The following ADGRB3 variants were observed in gnomAD, a reference collection of about 807,000 sequenced individuals.
ADGRB3 encodes the protein brain-specific angiogenesis inhibitor 3.
In ADGRB3, 37 loss-of-function variants were observed where a neutral mutation model predicts 193.4. That is an observed-to-expected ratio of 0.19 (90% confidence interval 0.15 to 0.25). The LOEUF (loss-of-function observed/expected upper bound fraction) is 0.25. Among genes scored for constraint, ADGRB3 ranks in the 10% least tolerant of loss-of-function variants. The pLI, the probability that ADGRB3 is intolerant of heterozygous loss-of-function variation, is 1.00. For missense variants in ADGRB3, 1,637 were observed against 1,852.9 expected (o/e 0.88, Z 2.14); for synonymous variants, 690 against 644.2 (o/e 1.07, Z -1.08).
In ADGRB3 at chr6:68,660,920, A is replaced by G. The variant is rs560066632; in HGVS notation, c.757+21488A>G. Among the ~76,000 whole-genome samples the G allele has an allele frequency of 1.6e-4, 24 of 150,972 alleles. No homozygotes were observed. The South Asian group carries it at 4.8e-3, about 30-fold the overall frequency. Reference sequence around the variant, plus strand: ...CTGGATAAATGGCTGTCAGAAAATCATGATTCTTAGTGTTTTCCTTCTTCT... The same window carrying G: ...CTGGATAAATGGCTGTCAGAAAATCGTGATTCTTAGTGTTTTCCTTCTTCT... On this transcript the variant is annotated intron_variant, in intron 3 of 31. Transcript: ENST00000370598.
intron 3 of ADGRB3, among the ~76,000 whole-genome samples, chr6:68,709,923 A>C (rs1034300279): frequency 1.3e-5 from 2 of 152,188 alleles, no homozygotes; most frequent in African/African-American, 4.8e-5. Flanking sequence ...TGCCCCTCTT[A>C]GCCCTTGCCT....
intron 17 of ADGRB3, among the ~76,000 whole-genome samples, chr6:69,137,980 G>C (rs1057056349): frequency 6.6e-6 from 1 of 152,128 alleles, no homozygotes; most frequent in Admixed American, 6.5e-5. Flanking sequence ...GTCTTCAGTT[G>C]TTGCCTTGGG....
intron 3 of ADGRB3, among the ~76,000 whole-genome samples, chr6:68,663,889 C>T (rs1433008703): frequency 6.6e-6 from 1 of 151,760 alleles, no homozygotes; most frequent in Admixed American, 6.6e-5. Flanking sequence ...TTTAGAGTTA[C>T]ATTATCTATA....
chr6:68,869,832 G>A (rs1765407507), intron 3 of ADGRB3, among the ~76,000 whole-genome samples: 1 of 152,222 alleles, frequency 6.6e-6, no homozygotes, highest in African/African-American at 2.4e-5. Context: ...AGGCTGGAGT[G>A]CAGTGGCACA....
chr6:68,983,692 T>C (rs559199675), intron 10 of ADGRB3, among the ~76,000 whole-genome samples: 7 of 152,102 alleles, frequency 4.6e-5, no homozygotes, highest in African/African-American at 1.7e-4. Context: ...GCAACTTGAA[T>C]GTAACACACA....
rs376134240 is a variant in ADGRB3 at position 69,228,437 on chromosome 6, A to G, written c.2481-4853A>G. 1.2e-3 allele frequency among the ~76,000 whole-genome samples: 184 copies of G among 152,320 alleles called. 2 individuals are homozygous for G. In the South Asian group the frequency reaches 0.03, roughly 25 times the overall value. On this transcript the variant is annotated intron_variant, in intron 17 of 31. Transcript: ENST00000370598. ...GAAAGCAAGGTGAACGTATCAACTAATATTATGATGTTGAATGGAAAGCAT... is the reference window on the plus strand; with the variant it reads ...GAAAGCAAGGTGAACGTATCAACTAGTATTATGATGTTGAATGGAAAGCAT...
intron 11 of ADGRB3, among the ~76,000 whole-genome samples, chr6:69,007,081 T>G (rs1562119339): frequency 6.6e-6 from 1 of 152,140 alleles, no homozygotes; most frequent in East Asian, 1.9e-4. Flanking sequence ...AAGTTCACTT[T>G]CTTTTCTCAA....
chr6:68,641,840 C>T (rs960307364), intron 3 of ADGRB3, among the ~76,000 whole-genome samples: 1 of 151,858 alleles, frequency 6.6e-6, no homozygotes, highest in Non-Finnish European at 1.5e-5. Flanking sequence ...TATATTCTAT[C>T]TTCAATATTT....
At chr6:68,774,781 A>G (rs1766706106) in intron 3 of ADGRB3, among the ~76,000 whole-genome samples, 1 of 152,078 alleles carries the variant, frequency 6.6e-6, no homozygotes, top group African/African-American at 2.4e-5. Context: ...TAAAACACTA[A>G]TTTTCATGTG....
intron 3 of ADGRB3, among the ~76,000 whole-genome samples, chr6:68,758,367 G>T (rs1478953015): frequency 2.0e-5 from 3 of 151,968 alleles, no homozygotes; most frequent in Non-Finnish European, 4.4e-5. Context: ...GATCATCAAG[G>T]TTGTCTCTAG....
intron 3 of ADGRB3, among the ~76,000 whole-genome samples, chr6:68,916,858 C>T (rs1185986524): frequency 6.6e-6 from 1 of 152,104 alleles, no homozygotes; most frequent in Non-Finnish European, 1.5e-5. Context: ...GCAGATTCTA[C>T]TGGGCTTTTT....
At chr6:69,100,844 GGGAGGGAGGGAA>G (rs1562159355) in intron 17 of ADGRB3, among the ~76,000 whole-genome samples, 1 of 16,844 alleles carries the variant, frequency 5.9e-5, no homozygotes, top group Admixed American at 8.8e-4. Context: ...GAAGGAAGGA[GGGAGGGAGGGAA>G]GGAAGGAAGG....
chr6:69,150,353 T>A (rs1040344301), intron 17 of ADGRB3, among the ~76,000 whole-genome samples: 1 of 152,106 alleles, frequency 6.6e-6, no homozygotes, highest in African/African-American at 2.4e-5. Context: ...CCTCTCTCTT[T>A]TAACAGGCAG....
At position 69,263,758 on chromosome 6, in the gene ADGRB3, A is replaced by T. The variant is rs1205625869; in HGVS notation, c.2814+24532A>T. 3.9e-5 allele frequency among the ~76,000 whole-genome samples: 6 copies of T among 152,016 alleles called. No homozygotes were observed. The East Asian group carries it at 1.2e-3, about 29-fold the overall frequency. Reference sequence around the variant, plus strand: ...AGGGAGACATGTACTATCTCACAGTAACTCATATAATGTTGTTGGAGGGAG... The same window carrying T: ...AGGGAGACATGTACTATCTCACAGTTACTCATATAATGTTGTTGGAGGGAG... On this transcript the variant is annotated intron_variant, in intron 20 of 31. Transcript: ENST00000370598.
At chr6:68,636,738 C>T (rs1430539380) in intron 1 of ADGRB3, among the ~76,000 whole-genome samples, 4 of 152,110 alleles carry the variant, frequency 2.6e-5, no homozygotes, top group African/African-American at 9.7e-5. Flanking sequence ...TTGATGAGCA[C>T]GGCATTGCAG....
At chr6:69,271,620 C>A (rs562019020) in intron 20 of ADGRB3, among the ~76,000 whole-genome samples, 10 of 152,050 alleles carry the variant, frequency 6.6e-5, no homozygotes, top group African/African-American at 2.4e-4. Flanking sequence ...TTAAAGATAT[C>A]TCATTTAAAA....
In ADGRB3 at chr6:68,791,062, A is replaced by G. The variant is rs893156162; in HGVS notation, c.758-139497A>G. 2.0e-5 allele frequency among the ~76,000 whole-genome samples: 3 copies of G among 152,044 alleles called. No homozygotes were observed. In the East Asian group the frequency reaches 5.8e-4, roughly 29 times the overall value. On this transcript the variant is annotated intron_variant, in intron 3 of 31. Transcript: ENST00000370598. ...GACCACATCTCTTAAAAAAAAAAAA[A>G]AAAAGTCTTGTATCTTTAAGTGACA...
At chr6:69,239,326 T>C in intron 20 of ADGRB3, 100 bp downstream of exon 20, 1 of 841,154 alleles carries the variant, frequency 1.2e-6, no homozygotes, top group Admixed American at 2.8e-5. Flanking sequence ...GGAGAACTTC[T>C]GACAAAATTA....
At chr6:68,738,903 G>A (rs958329907) in intron 3 of ADGRB3, among the ~76,000 whole-genome samples, 2 of 152,114 alleles carry the variant, frequency 1.3e-5, no homozygotes, top group African/African-American at 4.8e-5. Context: ...ATAGAGAAGG[G>A]GTCTGAGGAT....
Sources: allele counts gnomAD v4.1 joint callset (sites outside exome capture counted in the v4.1 genomes callset), GRCh38; gene constraint gnomAD v4.1.1; transcripts MANE v1.5; gene names NCBI Gene and HGNC (gene_info 2026-07-23, HGNC 2026-07-21).